Variants in TRRAP observed in about 807,000 individuals in gnomAD.
The protein encoded by TRRAP is transformation/transcription domain associated protein, also known as transformation/transcription domain-associated protein.
A neutral mutation model predicts 438.8 loss-of-function variants in TRRAP; 41 were observed. The ratio of observed to expected loss-of-function variants is 0.09; its 90% confidence interval spans 0.07 to 0.12. The LOEUF (loss-of-function observed/expected upper bound fraction) is 0.12. TRRAP is among the 10% of genes least tolerant of loss of function. TRRAP has a pLI of 1.00. For synonymous variants in TRRAP, 1,994 were observed against 1,962.9 expected, an observed-to-expected ratio of 1.02 and a Z score of -0.42; for missense variants, 3,122 against 5,055.1, an observed-to-expected ratio of 0.62 and a Z score of 11.60.
In TRRAP at chr7:98,949,542, C is replaced by T. The variant is rs1419103267; in HGVS notation, c.4914C>T (p.Thr1638=). ...CTGTGCGCCCCGGTTCGCCCAGCAC[C>T]AGCACCATGCGCCTGGACCTCCAGT... ...QTAVRPGSPS[T]STMRLDLQFQ... The change falls in exon 36 of 73, where the codon ACC becomes ACT. Residue 1638 remains threonine, a synonymous_variant. Coordinates refer to ENST00000456197, the MANE Select transcript of TRRAP (RefSeq NM_001375524.1). 1.9e-6 allele frequency: 3 copies of T among 1,596,254 alleles called. No homozygotes were observed. The highest frequency in any genetic ancestry group is 2.6e-6 in the Non-Finnish European group (3 of 1,171,242).
rs782341280 is a variant in TRRAP at position 98,953,216 on chromosome 7, A to C, written c.5513A>C (p.Tyr1838Ser). 6.8e-5 allele frequency: 110 copies of C among 1,612,860 alleles called. No homozygotes were observed. Among genetic ancestry groups the C allele is most frequent in the Non-Finnish European group, 8.6e-5 (102 of 1,179,904 alleles). ...QADMLDSLRIYLLQYATLLVE... is the reference protein window; with the variant it reads ...QADMLDSLRISLLQYATLLVE... The stretch of plus-strand genomic sequence containing the variant: ...GACATGCTGGACTCGCTGCGGATCT[A>C]CCTGCTGCAGTACGCCACGCTGCTG... The change falls in exon 40 of 73, where the codon TAC becomes TCC. Residue 1838 changes from tyrosine (Y) to serine (S), a missense_variant. Physicochemically the swap from Tyr to Ser is moderately radical, Grantham distance 144. This residue lies in a region of TRRAP where 272 missense variants were observed against 348.5 expected (regional missense o/e 0.78). Coordinates refer to ENST00000456197, the MANE Select transcript of TRRAP (RefSeq NM_001375524.1).
At position 98,899,786 on chromosome 7, in the gene TRRAP, C is replaced by G. The variant is rs1227072516; in HGVS notation, c.800+19C>G. The G allele has an allele frequency of 1.2e-6, 2 of 1,611,572 alleles. No homozygotes were observed. The highest frequency in any genetic ancestry group is 2.2e-5 in the South Asian group (2 of 91,032). On this transcript the variant is annotated intron_variant, in intron 10 of 72. Coordinates refer to ENST00000456197, the MANE Select transcript of TRRAP (RefSeq NM_001375524.1). ...AAGCGAGGTGAGGCGTCACTGTAGC[C>G]GGCTGCCACAGTGCCTGGATTCCAA...
At chr7:98,921,064 C>T (rs375264539) in intron 20 of TRRAP, among the ~76,000 whole-genome samples, 5 of 152,002 alleles carry the variant, frequency 3.3e-5, no homozygotes, top group Admixed American at 1.3e-4. Context: ...CTCGAACTAC[C>T]GACTTCAGGT....
At chr7:98,933,210 G>A in intron 26 of TRRAP, 31 bp from the exon 27 acceptor site, 1 of 1,588,152 alleles carries the variant, frequency 6.3e-7, no homozygotes, top group African/African-American at 1.3e-5. Context: ...GGGGCAGCTG[G>A]TGAGTGGTGC....
At chr7:98,963,463 GCCTC>G (rs1792009487) in intron 47 of TRRAP, among the ~76,000 whole-genome samples, 3 of 152,294 alleles carry the variant, frequency 2.0e-5, no homozygotes, top group African/African-American at 7.2e-5. Flanking sequence ...CATGGGCCCT[GCCTC>G]CCTCCTCTGT....
In TRRAP at chr7:98,893,702, T is replaced by C; in HGVS notation, c.367-96T>C. 2.8e-6 allele frequency: 3 copies of C among 1,068,332 alleles called. No homozygotes were observed. The Admixed American group carries it at 6.7e-5, about 24-fold the overall frequency. The allele number at this position is 1,068,332 out of a possible 1,614,324, so 66.2% of individuals were successfully genotyped here. A position where few individuals can be genotyped will look rare whatever the true frequency, so the allele number is the denominator to read the frequency against. The stretch of plus-strand genomic sequence containing the variant: ...ATGAATTTTCAGCAAATCCAATAGT[T>C]GGTTGATGGAAAGTGTGTGTGCAGA... On this transcript the variant is annotated intron_variant, in intron 5 of 72. Coordinates refer to ENST00000456197, the MANE Select transcript of TRRAP (RefSeq NM_001375524.1).
chr7:98,922,000 C>T (rs782404905), intron 21 of TRRAP, 47 bp downstream of exon 21: 4 of 1,610,678 alleles, frequency 2.5e-6, no homozygotes, highest in Admixed American at 3.3e-5. Context: ...TGTGAAGATA[C>T]TATGTTTCAG....
At chr7:98,931,291 C>A (rs569037934) in intron 25 of TRRAP, 114 bp from the exon 26 acceptor site, 2 of 1,460,942 alleles carry the variant, frequency 1.4e-6, no homozygotes, top group African/African-American at 1.4e-5. Context: ...AAGCAGCTGG[C>A]GAGAAGGGCA....
In TRRAP at chr7:98,994,652, G is replaced by A. The variant is rs200100865; in HGVS notation, c.10113G>A (p.Ala3371=). The A allele has an allele frequency of 2.3e-4, 368 of 1,614,198 alleles. 2 individuals are homozygous for A. The highest frequency in any genetic ancestry group is 8.8e-4 in the South Asian group (80 of 91,082). Residue 3371 remains alanine (A), a synonymous_variant, in exon 67 of 73, where the codon GCG becomes GCA. Transcript: ENST00000456197. This position sits in a 1 kb window ranked among gnomAD's most constrained non-coding sequence, Gnocchi z 4.8. ...CCGTGGCGTTTGAGAAAAGTGGAGC[G>A]GTGTCCGATGCTAAAATCACCCCCC... The part of the protein sequence containing the change: ...CYSVAFEKSG[A]VSDAKITPHT...
At chr7:98,921,533 G>T (rs1341783237) in intron 20 of TRRAP, among the ~76,000 whole-genome samples, 1 of 152,066 alleles carries the variant, frequency 6.6e-6, no homozygotes, top group South Asian at 2.1e-4. Context: ...CTGCCACCAC[G>T]CCTGGCTAAT....
At chr7:98,930,569 A>G in intron 24 of TRRAP, 64 bp from the exon 25 acceptor site, 1 of 1,596,636 alleles carries the variant, frequency 6.3e-7, no homozygotes, top group Non-Finnish European at 8.6e-7. Context: ...TAAGAGCGAA[A>G]CTCTGTCTCA....
At position 98,970,391 on chromosome 7, in the gene TRRAP, G is replaced by C. The variant is rs186724342; in HGVS notation, c.7692+100G>C. 1,940 of 1,415,734 alleles carry C rather than the reference G, an allele frequency of 1.4e-3. 19 individuals are homozygous for C. In the African/African-American group the frequency reaches 0.021, roughly 15 times the overall value. The allele number at this position is 1,415,734 out of a possible 1,614,324, so 87.7% of individuals were successfully genotyped here. On this transcript the variant is annotated intron_variant, in intron 52 of 72. Transcript: ENST00000456197. ...GAGGAGGTGAGACCCCGTGCCCCACGGGCAGAATCCCAGAGAGGAGGTGAG... is the reference window on the plus strand; with the variant it reads ...GAGGAGGTGAGACCCCGTGCCCCACCGGCAGAATCCCAGAGAGGAGGTGAG...
chr7:98,949,696 C>A lies in TRRAP; in HGVS notation c.4990C>A (p.Leu1664Met). Residue 1664 changes from leucine (L) to methionine (M), a missense_variant, in exon 37 of 73, where the codon CTG becomes ATG. By Grantham distance (15) the Leu-to-Met change is conservative. Coordinates refer to ENST00000456197, the MANE Select transcript of TRRAP (RefSeq NM_001375524.1). ...TATAGTGAAAAACGATGACTCCTGG[C>A]TGGCCAGCCAGCACTCTCTGGTGAG... ...SIIVKNDDSW[L>M]ASQHSLVSQL... 6.2e-7 allele frequency: 1 copy of A among 1,614,034 alleles called. No individual in the cohort carries two copies.
intron 64 of TRRAP, among the ~76,000 whole-genome samples, chr7:98,991,624 C>T (rs1793437676): frequency 6.6e-6 from 1 of 152,212 alleles, no homozygotes; most frequent in South Asian, 2.1e-4. Context: ...ATGGTACTGT[C>T]CTGTCAGCCA....
At chr7:98,993,251 C>T (rs552829277) in intron 65 of TRRAP, among the ~76,000 whole-genome samples, 6 of 152,342 alleles carry the variant, frequency 3.9e-5, no homozygotes, top group East Asian at 3.9e-4. Context: ...ACTCACCAGG[C>T]GGCGTGTTGT....
chr7:98,982,299 G>A (rs1792967472), intron 59 of TRRAP, among the ~76,000 whole-genome samples: 1 of 152,168 alleles, frequency 6.6e-6, no homozygotes. Flanking sequence ...TGGAGGGACA[G>A]GGTTAGGAAA....
chr7:98,887,134 G>C (rs1554404099), intron 3 of TRRAP, among the ~76,000 whole-genome samples: 1 of 151,994 alleles, frequency 6.6e-6, no homozygotes, highest in Non-Finnish European at 1.5e-5. Context: ...TGCCCCAGCT[G>C]GTCTTGAACT....
Position 98,956,365 on chromosome 7 carries a change from A to C in TRRAP, c.6097-34A>C. 1 of 1,613,188 alleles carries C rather than the reference A, an allele frequency of 6.2e-7. No homozygotes were observed. The highest frequency in any genetic ancestry group is 8.5e-7 in the Non-Finnish European group (1 of 1,179,436). ...TTCCTTTGACTTCTCCCTAGAAATC[A>C]GTCAGTAAAACCAAGCGCCTGTGTG... On this transcript the variant is annotated intron_variant, in intron 42 of 72. Coordinates refer to ENST00000456197, the MANE Select transcript of TRRAP (RefSeq NM_001375524.1). The surrounding 1 kb of genome is among the most constrained non-coding windows in gnomAD (Gnocchi z 4.5).
rs56341061 is a variant in TRRAP, at chr7:98,978,247, A to G, written c.8422A>G (p.Lys2808Glu). Residue 2808 changes from lysine (K) to glutamate (E), a missense_variant, in exon 57 of 73, where the codon AAA (lysine) becomes GAA (glutamate). Coordinates refer to ENST00000456197, the MANE Select transcript of TRRAP (RefSeq NM_001375524.1). Reference sequence around the variant, plus strand: ...CTATGAAAAGGCAATGGATAAAGCCAAAAAAGAACATGAGAGGAGTAACGC... The same window carrying G: ...CTATGAAAAGGCAATGGATAAAGCCGAAAAAGAACATGAGAGGAGTAACGC... ...ESYEKAMDKAKKEHERSNASP... is the reference protein window; with the variant it reads ...ESYEKAMDKAEKEHERSNASP... 2 of 1,614,042 alleles carry G rather than the reference A, an allele frequency of 1.2e-6. No individual in the cohort carries two copies. The highest frequency in any genetic ancestry group is 2.2e-5 in the East Asian group (1 of 44,880).
Sources: gnomAD v4.1 joint callset for allele counts (sites outside exome capture counted in the v4.1 genomes callset) on GRCh38, gnomAD v4.1.1 for gene constraint, gnomAD v4.1.1 regional missense constraint, Gnocchi (gnomAD v3.1) non-coding constraint, MANE v1.5 for transcripts, NCBI Gene and HGNC (gene_info 2026-07-23, HGNC 2026-07-21) for gene names.